The following PPP2R2C variants were observed in gnomAD, a reference collection of about 807,000 sequenced individuals.
PPP2R2C encodes the protein protein phosphatase 2, regulatory subunit B, gamma.
In PPP2R2C, 10 loss-of-function variants were observed where a neutral mutation model predicts 45.3. The ratio of observed to expected loss-of-function variants is 0.22; its 90% CI spans 0.14 to 0.37. The LOEUF is 0.37. Ranked by LOEUF, PPP2R2C falls within the 10% of genes least tolerant of loss-of-function variation. The probability of loss-of-function intolerance (pLI) is 1.00; values close to 1 mark genes in which losing one functional copy is unlikely to be tolerated. For missense variants in PPP2R2C, 308 were observed against 619.7 expected (o/e 0.50, Z 5.34); for synonymous variants, 257 against 245.4 (o/e 1.05, Z -0.44).
chr4:6,377,237 G>C (rs749818924), intron 3 of PPP2R2C, among the ~76,000 whole-genome samples: 1 of 152,202 alleles, frequency 6.6e-6, no homozygotes, highest in African/African-American at 2.4e-5. Context: ...CTTGTGCAGC[G>C]GTTACTGTTC....
At chr4:6,489,845 G>T (rs1195554061) in intron 2 of PPP2R2C, among the ~76,000 whole-genome samples, 1 of 152,114 alleles carries the variant, frequency 6.6e-6, no homozygotes, top group Non-Finnish European at 1.5e-5. Flanking sequence ...TGAATTAATT[G>T]CATCCACTAT....
At chr4:6,360,202 A>G (rs1459101278) in intron 5 of PPP2R2C, among the ~76,000 whole-genome samples, 1 of 152,206 alleles carries the variant, frequency 6.6e-6, no homozygotes, top group Non-Finnish European at 1.5e-5. Flanking sequence ...CCAGGGCCAC[A>G]TGCAGAGCCC....
chr4:6,378,326 A>G lies in PPP2R2C; in HGVS notation c.334+81T>C, dbSNP rs768808779. On this transcript the variant is annotated intron_variant, in intron 3 of 8. Coordinates refer to ENST00000382599, the MANE Select transcript of PPP2R2C (RefSeq NM_020416.4). This position sits in a 1 kb window ranked among gnomAD's most constrained non-coding sequence, Gnocchi z 5.2. ...CTGAAGACATAGAAAAATGCTCACA[A>G]TATAAGTGAAATACAAACCAGCATT... 3.8e-6 allele frequency: 6 copies of G among 1,599,176 alleles called. No homozygotes were observed. Among genetic ancestry groups the G allele is most frequent in the Non-Finnish European group, 5.1e-6 (6 of 1,174,934 alleles).
At chr4:6,355,771 A>G (rs1713114287) in intron 5 of PPP2R2C, among the ~76,000 whole-genome samples, 1 of 152,102 alleles carries the variant, frequency 6.6e-6, no homozygotes, top group Non-Finnish European at 1.5e-5. Flanking sequence ...CAGGAGGATC[A>G]CTTGAGGTCA....
intron 6 of PPP2R2C, among the ~76,000 whole-genome samples, chr4:6,346,612 G>A (rs141778351): frequency 6.6e-5 from 10 of 152,352 alleles, no homozygotes; most frequent in African/African-American, 1.2e-4. Context: ...CTGGATGGCT[G>A]AGCGTGACAC....
At chr4:6,349,166 C>G in intron 5 of PPP2R2C, 1 of 985,392 alleles carries the variant, frequency 1.0e-6, no homozygotes, top group South Asian at 4.7e-5. Context: ...AAGGCCCTCT[C>G]CCCTCTCACA....
chr4:6,450,885 G>C (rs1181272992), intron 1 of PPP2R2C, among the ~76,000 whole-genome samples: 1 of 152,110 alleles, frequency 6.6e-6, no homozygotes, highest in East Asian at 1.9e-4. Flanking sequence ...GTGGGAAGCC[G>C]CTGTGCCCTT....
intron 2 of PPP2R2C, among the ~76,000 whole-genome samples, chr4:6,479,175 T>G (rs895326183): frequency 1.3e-5 from 2 of 152,158 alleles, no homozygotes; most frequent in Admixed American, 6.5e-5. Flanking sequence ...TGTACCCAGG[T>G]CTGTGATTCC....
intron 1 of PPP2R2C, among the ~76,000 whole-genome samples, chr4:6,454,785 C>A (rs1174157310): frequency 6.6e-6 from 1 of 152,214 alleles, no homozygotes; most frequent in East Asian, 1.9e-4. Flanking sequence ...GGCTCAGCGT[C>A]CTGATGTGCA....
chr4:6,410,794 T>C (rs1462907393), intron 1 of PPP2R2C, among the ~76,000 whole-genome samples: 1 of 152,050 alleles, frequency 6.6e-6, no homozygotes, highest in Non-Finnish European at 1.5e-5. Flanking sequence ...TTGATCTCAC[T>C]AGATCTTCAC....
chr4:6,365,819 G>A (rs983765582), intron 5 of PPP2R2C, among the ~76,000 whole-genome samples: 2 of 152,198 alleles, frequency 1.3e-5, no homozygotes, highest in South Asian at 2.1e-4. Context: ...TTCCCACCGT[G>A]AGAAATCACT....
At chr4:6,538,026 T>C (rs886458275) in intron 1 of PPP2R2C, among the ~76,000 whole-genome samples, 5 of 152,148 alleles carry the variant, frequency 3.3e-5, no homozygotes, top group Non-Finnish European at 7.4e-5. Flanking sequence ...GCTCCGGCGA[T>C]GGGTCGTGGA....
At chr4:6,388,659 T>TG (rs915917922) in intron 1 of PPP2R2C, among the ~76,000 whole-genome samples, 4 of 151,778 alleles carry the variant, frequency 2.6e-5, no homozygotes, top group Admixed American at 1.3e-4. Context: ...CCCAGCACTT[T>TG]GGGGGGCCGA....
intron 6 of PPP2R2C, among the ~76,000 whole-genome samples, chr4:6,344,035 ACC>A (rs1560461750): frequency 6.6e-6 from 1 of 152,204 alleles, no homozygotes; most frequent in African/African-American, 2.4e-5. Context: ...CATGTTGCCA[ACC>A]TCCCAGGTGA....
chr4:6,543,689 A>G (rs1463178886), intron 1 of PPP2R2C, among the ~76,000 whole-genome samples: 1 of 152,236 alleles, frequency 6.6e-6, no homozygotes, highest in African/African-American at 2.4e-5. Context: ...GGGGCCACCC[A>G]GCTTGTCACA....
Position 6,557,911 on chromosome 4 carries a change from C to G in PPP2R2C, c.-59+5649G>C, listed in dbSNP as rs187796204. The stretch of plus-strand genomic sequence containing the variant: ...GTGCATCCCACAGGCCCTGGTTCTA[C>G]TCTCACCTGCTGCGTGACTCCAGGC... On this transcript the variant is annotated intron_variant, in intron 1 of 9. Coordinates refer to the PPP2R2C transcript ENST00000506140. Among the ~76,000 whole-genome samples, 8 of 152,264 alleles carry G rather than the reference C, an allele frequency of 5.3e-5. No individual in the cohort carries two copies. The East Asian group carries it at 1.4e-3, about 26-fold the overall frequency.
At chr4:6,399,442 C>T (rs925504123) in intron 1 of PPP2R2C, among the ~76,000 whole-genome samples, 3 of 152,246 alleles carry the variant, frequency 2.0e-5, no homozygotes, top group Non-Finnish European at 4.4e-5. Flanking sequence ...TTTTCATCAA[C>T]TAAGATCATT....
At chr4:6,384,566 C>A in intron 1 of PPP2R2C, 5 of 980,520 alleles carry the variant, frequency 5.1e-6, no homozygotes, top group Non-Finnish European at 6.1e-6. Context: ...TGAGGGTGGG[C>A]ATACACACAG....
In PPP2R2C at chr4:6,364,109, C is replaced by T. The variant is rs770450357; in HGVS notation, c.625+8414G>A. On this transcript the variant is annotated intron_variant, in intron 5 of 8. Coordinates refer to ENST00000382599, the MANE Select transcript of PPP2R2C (RefSeq NM_020416.4). The surrounding 1 kb of genome is among the most constrained non-coding windows in gnomAD (Gnocchi z 5.3). ...GGAGAGGCGGGAAATGAACAGGGAA[C>T]GAGGTAGAGGCCAAGCCTCTAGGGA... Among the ~76,000 whole-genome samples, 6 of 152,110 alleles carry T rather than the reference C, an allele frequency of 3.9e-5. No individual in the cohort carries two copies. The highest frequency in any genetic ancestry group is 1.9e-4 in the East Asian group (1 of 5,184).
Sources: allele counts gnomAD v4.1 joint callset (sites outside exome capture counted in the v4.1 genomes callset), GRCh38; gene constraint gnomAD v4.1.1; non-coding constraint Gnocchi (gnomAD v3.1); transcripts MANE v1.5; gene names NCBI Gene and HGNC (gene_info 2026-07-23, HGNC 2026-07-21).